SLC9B1: variants seen among roughly 807,000 people sequenced by gnomAD.
The protein encoded by SLC9B1 is sodium/hydrogen exchanger 9B1.
A neutral mutation model predicts 51.7 loss-of-function variants in SLC9B1; 32 were observed. The ratio of observed to expected loss-of-function variants is 0.62; its 90% CI spans 0.47 to 0.83. SLC9B1 has a LOEUF of 0.83. Among genes scored for constraint, SLC9B1 ranks in the 40% least tolerant of loss-of-function variants. The pLI is 0.00. For missense variants in SLC9B1, 406 were observed against 613.2 expected, an observed-to-expected ratio of 0.66 and a Z score of 3.57; for synonymous variants, 145 against 212.7, an observed-to-expected ratio of 0.68 and a Z score of 2.77.
At chr4:102,900,730 T>C (rs980350416), downstream of SLC9B1, among the ~76,000 whole-genome samples, 1 of 152,178 alleles carries the variant, frequency 6.6e-6, no homozygotes, top group Non-Finnish European at 1.5e-5. Flanking sequence ...GGAGTTCTAC[T>C]CCTTCTATTT....
chr4:102,945,024 C>T (rs567178740), intron 6 of SLC9B1, among the ~76,000 whole-genome samples, 169 bp downstream of exon 6: 2 of 152,090 alleles, frequency 1.3e-5, no homozygotes, highest in African/African-American at 2.4e-5. Context: ...AAAAAAATTT[C>T]GTACAATTTG....
At chr4:102,922,794 T>A (rs1220538398) in intron 7 of SLC9B1, among the ~76,000 whole-genome samples, 7 of 152,134 alleles carry the variant, frequency 4.6e-5, no homozygotes, top group Non-Finnish European at 1.0e-4. Context: ...GCAAATAAAC[T>A]ACAACATCTA....
At chr4:102,962,639 A>T in intron 3 of SLC9B1, 7 of 472,202 alleles carry the variant, frequency 1.5e-5, no homozygotes, top group South Asian at 1.1e-4. Flanking sequence ...AGGTTATGTA[A>T]TTGGGAGCTG....
At chr4:102,975,584 ATATTT>A (rs1487284751) in intron 3 of SLC9B1, among the ~76,000 whole-genome samples, 54 of 80,138 alleles carry the variant, frequency 6.7e-4, no homozygotes, top group Non-Finnish European at 6.1e-4. Context: ...ATATATATAT[ATATTT>A]TTTTTTTTTT....
At chr4:102,969,090 G>A (rs562356360) in intron 3 of SLC9B1, among the ~76,000 whole-genome samples, 24 of 152,292 alleles carry the variant, frequency 1.6e-4, no homozygotes, top group Admixed American at 1.0e-3. Flanking sequence ...CTCTGTAGAC[G>A]CCACCTCTGG....
intron 11 of SLC9B1, chr4:102,890,805 A>ACAATAAGTAAG (rs1230760360): frequency 3.8e-5 from 5 of 130,876 alleles, no homozygotes; most frequent in African/African-American, 1.5e-4. Context: ...GTGCCACTGC[A>ACAATAAGTAAG]CTCCAGCCTG....
At chr4:102,965,640 C>T (rs2623083) in intron 3 of SLC9B1, among the ~76,000 whole-genome samples, 1 of 152,174 alleles carries the variant, frequency 6.6e-6, no homozygotes, top group Non-Finnish European at 1.5e-5. Flanking sequence ...AAACTCATGT[C>T]CCTCTTACAC....
chr4:102,990,351 T>G (rs965948741), intron 2 of SLC9B1, among the ~76,000 whole-genome samples: 3 of 152,164 alleles, frequency 2.0e-5, no homozygotes, highest in African/African-American at 7.2e-5. Flanking sequence ...TTTGATAAAT[T>G]TATATAACTG....
rs185395084 is a variant in SLC9B1 at position 102,924,356 on chromosome 4, G to A, written c.829+7768C>T. ...TGCTGGGAAAACGGGCTAGCAATAC[G>A]TAGAAAACTGAAACTGGATCCCTTC... On this transcript the variant is annotated intron_variant, in intron 7 of 11. Transcript: ENST00000296422. Among the ~76,000 whole-genome samples the A allele has an allele frequency of 1.8e-4, 28 of 152,254 alleles. No individual in the cohort carries two copies. In the East Asian group the frequency reaches 2.5e-3, roughly 14 times the overall value.
intron 1 of SLC9B1, among the ~76,000 whole-genome samples, chr4:103,008,680 A>T (rs901674987): frequency 1.3e-5 from 2 of 150,964 alleles, no homozygotes; most frequent in African/African-American, 4.9e-5. Context: ...ATCGCACCTG[A>T]CCCTGATACA....
At chr4:102,993,603 C>G (rs1326611239) in intron 1 of SLC9B1, among the ~76,000 whole-genome samples, 1 of 152,214 alleles carries the variant, frequency 6.6e-6, no homozygotes, top group Non-Finnish European at 1.5e-5. Flanking sequence ...TCTCTTCTCA[C>G]AGCTCCTCCA....
chr4:102,946,378 T>G (rs1737268344), intron 5 of SLC9B1, among the ~76,000 whole-genome samples: 1 of 152,198 alleles, frequency 6.6e-6, no homozygotes, highest in Non-Finnish European at 1.5e-5. Flanking sequence ...TGGCACTATC[T>G]CAGCTCACTG....
intron 1 of SLC9B1, among the ~76,000 whole-genome samples, chr4:103,003,519 C>A (rs1036703745): frequency 6.6e-6 from 1 of 152,166 alleles, no homozygotes; most frequent in Non-Finnish European, 1.5e-5. Context: ...TTCATTGTTG[C>A]ACATTTGTAG....
chr4:102,936,461 G>A (rs535770116), intron 6 of SLC9B1, among the ~76,000 whole-genome samples: 57 of 152,308 alleles, frequency 3.7e-4, no homozygotes, highest in African/African-American at 1.2e-3. Flanking sequence ...AAAGATCATT[G>A]AGATTCAGAA....
chr4:102,905,209 G>GTTTATTTA lies in SLC9B1; in HGVS notation c.1332+297_1332+304dup, dbSNP rs138082740. Among the ~76,000 whole-genome samples the GTTTATTTA allele has an allele frequency of 4.0e-3, 578 of 146,048 alleles. 1 individual carries two copies. The highest frequency in any genetic ancestry group is 0.017 in the Middle Eastern group (5 of 286). ...GATTACATTAAGGTTCTTTGTTTTT[G>GTTTATTTA]TTTATTTATTTATTTATTTATTTAT... On this transcript the variant is annotated intron_variant, in intron 11 of 11. Transcript: ENST00000296422.
intron 3 of SLC9B1, among the ~76,000 whole-genome samples, chr4:102,955,839 GAGAGAGAA>G (rs1292612570): frequency 2.7e-4 from 34 of 124,966 alleles, no homozygotes; most frequent in Middle Eastern, 3.8e-3. Context: ...GAAAGAAAGA[GAGAGAGAA>G]AGAAAGAAAG....
downstream of SLC9B1, among the ~76,000 whole-genome samples, chr4:102,900,344 T>C (rs1186161724): frequency 1.3e-5 from 2 of 152,372 alleles, no homozygotes; most frequent in East Asian, 3.8e-4. Context: ...AATTCTATAT[T>C]ACTAAGGAGA....
At chr4:102,950,903 G>C (rs1737519948) in intron 3 of SLC9B1, among the ~76,000 whole-genome samples, 1 of 152,220 alleles carries the variant, frequency 6.6e-6, no homozygotes, top group Non-Finnish European at 1.5e-5. Flanking sequence ...GCTGAGGTAG[G>C]AGAATTGCTT....
intron 1 of SLC9B1, among the ~76,000 whole-genome samples, chr4:103,005,578 G>A (rs1471320781): frequency 6.6e-6 from 1 of 152,066 alleles, no homozygotes; most frequent in African/African-American, 2.4e-5. Flanking sequence ...AGATATTTGG[G>A]ACCTGCACTC....
Sources: allele counts gnomAD v4.1 joint callset (sites outside exome capture counted in the v4.1 genomes callset), GRCh38; gene constraint gnomAD v4.1.1; transcripts MANE v1.5; gene names NCBI Gene and HGNC (gene_info 2026-07-23, HGNC 2026-07-21).